The following DAP variants were observed in gnomAD, a reference collection of about 807,000 sequenced individuals.
DAP encodes death associated protein.
A neutral mutation model predicts 13.8 loss-of-function variants in DAP; 8 were observed. The ratio of observed to expected loss-of-function variants is 0.58; its 90% CI spans 0.34 to 1.05. The LOEUF (loss-of-function observed/expected upper bound fraction) is 1.05. Among genes scored for constraint, DAP ranks in the 50% least tolerant of loss-of-function variants. DAP has a pLI of 0.03. For synonymous variants in DAP, 47 were observed against 47.5 expected, an observed-to-expected ratio of 0.99 and a Z score of 0.04; for missense variants, 106 against 133.2, an observed-to-expected ratio of 0.80 and a Z score of 1.01.
At chr5:10,686,891 C>A (rs959134961) in intron 2 of DAP, among the ~76,000 whole-genome samples, 1 of 152,218 alleles carries the variant, frequency 6.6e-6, no homozygotes, top group Non-Finnish European at 1.5e-5. Flanking sequence ...CTAGGACTTA[C>A]ACAGCTAGAG....
intron 1 of DAP, among the ~76,000 whole-genome samples, chr5:10,757,279 GT>G (rs776173279): frequency 5.7e-4 from 83 of 145,678 alleles, no homozygotes; most frequent in Non-Finnish European, 5.9e-4. Flanking sequence ...ATTGGGTCAG[GT>G]TTTTTTTTTT....
intron 2 of DAP, among the ~76,000 whole-genome samples, chr5:10,701,525 G>A (rs1385548738): frequency 1.4e-5 from 2 of 144,782 alleles, no homozygotes; most frequent in Non-Finnish European, 3.0e-5. Flanking sequence ...AATAATGATT[G>A]CAATGTCAGA....
intron 2 of DAP, among the ~76,000 whole-genome samples, chr5:10,739,362 A>G (rs1454717516): frequency 7.6e-6 from 1 of 131,744 alleles, no homozygotes; most frequent in African/African-American, 3.3e-5. Flanking sequence ...ATTTCAAAAC[A>G]AAAAGTTTTA....
intron 2 of DAP, among the ~76,000 whole-genome samples, chr5:10,726,944 G>A (rs1739301485): frequency 6.6e-6 from 1 of 152,150 alleles, no homozygotes; most frequent in East Asian, 1.9e-4. Flanking sequence ...AGAAGCCCCA[G>A]AATTAGGGAA....
At chr5:10,733,896 CT>C in intron 2 of DAP, 1 of 152,146 alleles carries the variant, frequency 6.6e-6, no homozygotes, top group Non-Finnish European at 1.5e-5. Flanking sequence ...CAGGGCTTAT[CT>C]AGATAAAAAG....
intron 2 of DAP, among the ~76,000 whole-genome samples, chr5:10,716,216 G>A (rs1455392451): frequency 6.6e-6 from 1 of 152,214 alleles, no homozygotes; most frequent in Non-Finnish European, 1.5e-5. Context: ...AGCTGGATAA[G>A]CCCTGAAACT....
rs1418926764 is a variant in DAP at position 10,680,828 on chromosome 5, G to C, written c.*228C>G. 5 of 1,536,822 alleles carry C rather than the reference G, an allele frequency of 3.3e-6. No individual in the cohort carries two copies. Among genetic ancestry groups the C allele is most frequent in the East Asian group, 4.9e-5 (2 of 41,062 alleles). ...AATTCTGCTAATGGCACCTCTAGGGGCACAATGATCCTCAAATGACATCCA... is the reference window on the plus strand; with the variant it reads ...AATTCTGCTAATGGCACCTCTAGGGCCACAATGATCCTCAAATGACATCCA... On this transcript the variant is annotated 3_prime_UTR_variant, in exon 4 of 4. Transcript: ENST00000230895.
intron 2 of DAP, among the ~76,000 whole-genome samples, chr5:10,734,660 G>A (rs9312742): frequency 0.52 from 79,691 of 151,964 alleles, 22,660 homozygotes; most frequent in Non-Finnish European, 0.64. Flanking sequence ...TACTCACAGC[G>A]TCATTTCTAC....
Position 10,761,037 on chromosome 5 carries a change from G to A in DAP, c.32C>T (p.Thr11Ile). 1 of 1,215,430 alleles carries A rather than the reference G, an allele frequency of 8.2e-7. No individual in the cohort carries two copies. Among genetic ancestry groups the A allele is most frequent in the South Asian group, 3.6e-5 (1 of 27,760 alleles). The allele number at this position is 1,215,430 out of a possible 1,614,324, so 75.3% of individuals were successfully genotyped here. A position where few individuals can be genotyped will look rare whatever the true frequency, so the allele number is the denominator to read the frequency against. ...ACCGGCGGGCGGGTGTCCAGCTTTA[G>A]TCTCTAGTTTCCCTTCGGGAGGCGA... The part of the protein sequence containing the change: MSSPPEGKLE[T>I]KAGHPPAVKA... Residue 11 changes from threonine to isoleucine, a missense_variant, in exon 1 of 4, where the codon ACT (threonine) becomes ATT (isoleucine). Transcript: ENST00000230895.
intron 2 of DAP, among the ~76,000 whole-genome samples, chr5:10,741,221 T>C (rs1279429036): frequency 2.0e-5 from 3 of 152,126 alleles, no homozygotes; most frequent in Non-Finnish European, 4.4e-5. Context: ...AGCGTGGTGG[T>C]GTACACCTCT....
Position 10,722,579 on chromosome 5 carries a change from T to C in DAP, c.152+25596A>G, listed in dbSNP as rs1339219028. On this transcript the variant is annotated intron_variant, in intron 2 of 3. Transcript: ENST00000230895. Reference sequence around the variant, plus strand: ...ACATGCATATATATACATACATACATATATATACATATATACATATATATA... The same window carrying C: ...ACATGCATATATATACATACATACACATATATACATATATACATATATATA... Among the ~76,000 whole-genome samples, 13 of 146,292 alleles carry C rather than the reference T, an allele frequency of 8.9e-5. No individual in the cohort carries two copies. In the South Asian group the frequency reaches 1.3e-3, roughly 15 times the overall value.
chr5:10,726,753 G>A lies in DAP; in HGVS notation c.152+21422C>T, dbSNP rs546050945. 2.7e-5 allele frequency among the ~76,000 whole-genome samples: 4 copies of A among 150,540 alleles called. 1 individual carries two copies. In the South Asian group the frequency reaches 8.4e-4, roughly 32 times the overall value. ...AGCCTGCCACTGTGTGTGCATGTGT[G>A]TGGAAAAGTGTGTGTGTGTGTGAGT... is the stretch of plus-strand genomic sequence containing the variant. On this transcript the variant is annotated intron_variant, in intron 2 of 3. Coordinates refer to ENST00000230895, the MANE Select transcript of DAP (RefSeq NM_004394.3).
At chr5:10,737,387 A>AC (rs1267002118) in intron 2 of DAP, among the ~76,000 whole-genome samples, 20 of 151,700 alleles carry the variant, frequency 1.3e-4, no homozygotes, top group African/African-American at 3.4e-4. Context: ...AACAACAACA[A>AC]AAAAAACTGG....
chr5:10,694,465 C>T (rs981996023), intron 2 of DAP, among the ~76,000 whole-genome samples: 2 of 152,046 alleles, frequency 1.3e-5, no homozygotes, highest in Non-Finnish European at 2.9e-5. Context: ...ACACAGTTTC[C>T]AAATTTGCTT....
intron 2 of DAP, among the ~76,000 whole-genome samples, chr5:10,718,664 T>G (rs1381861124): frequency 3.3e-5 from 5 of 152,230 alleles, no homozygotes; most frequent in Non-Finnish European, 7.3e-5. Context: ...GTGGTGACTC[T>G]AAGTGCAGCT....
In DAP at chr5:10,713,948, C is replaced by T. The variant is rs144438939; in HGVS notation, c.153-30377G>A. 2.4e-4 allele frequency among the ~76,000 whole-genome samples: 37 copies of T among 152,266 alleles called. No homozygotes were observed. In the East Asian group the frequency reaches 6.2e-3, roughly 25 times the overall value. ...GACAATGAAAAGGGTAATTAGGACT[C>T]GCAGCAAAGCAGCCTTGCAATGGAA... On this transcript the variant is annotated intron_variant, in intron 2 of 3. Coordinates refer to ENST00000230895, the MANE Select transcript of DAP (RefSeq NM_004394.3).
chr5:10,702,613 G>A (rs185139203), intron 2 of DAP, among the ~76,000 whole-genome samples: 1 of 152,208 alleles, frequency 6.6e-6, no homozygotes, highest in African/African-American at 2.4e-5. Flanking sequence ...ATAGAGCCAT[G>A]AGCTGAAGCT....
intron 2 of DAP, among the ~76,000 whole-genome samples, chr5:10,741,316 G>A (rs1277334192): frequency 2.0e-5 from 3 of 152,186 alleles, no homozygotes; most frequent in South Asian, 2.1e-4. Context: ...TTATGCTACT[G>A]CAATCCAGCC....
At chr5:10,731,957 T>C (rs1172341555) in intron 2 of DAP, among the ~76,000 whole-genome samples, 1 of 152,196 alleles carries the variant, frequency 6.6e-6, no homozygotes, top group African/African-American at 2.4e-5. Context: ...ATCCTGAGAC[T>C]TCTTCAAGGA....
Sources: gnomAD v4.1 joint callset for allele counts (sites outside exome capture counted in the v4.1 genomes callset) on GRCh38, gnomAD v4.1.1 for gene constraint, MANE v1.5 for transcripts, NCBI Gene and HGNC (gene_info 2026-07-23, HGNC 2026-07-21) for gene names.